The following NR4A1 variants were observed in gnomAD, a reference collection of about 807,000 sequenced individuals.
NR4A1 encodes the protein nuclear receptor subfamily 4 group A member 1, also known as nuclear receptor subfamily 4immunitygroup A member 1.
In NR4A1, 24 loss-of-function variants were observed where a neutral mutation model predicts 47.5. That is an observed-to-expected ratio of 0.50 (90% CI 0.37 to 0.71). The LOEUF is 0.71. NR4A1 is among the 30% of genes least tolerant of loss of function. The probability of loss-of-function intolerance (pLI) is 0.00; values close to 1 mark genes in which losing one functional copy is unlikely to be tolerated. For missense variants in NR4A1, 669 were observed against 788.6 expected, an observed-to-expected ratio of 0.85 and a Z score of 1.82; for synonymous variants, 353 against 345.7, an observed-to-expected ratio of 1.02 and a Z score of -0.24.
At position 52,054,968 on chromosome 12, in the gene NR4A1, G is replaced by A. The variant is rs369071117; in HGVS notation, c.640G>A (p.Ala214Thr). The A allele has an allele frequency of 3.7e-6, 6 of 1,614,186 alleles. No individual in the cohort carries two copies. The African/African-American group carries it at 5.3e-5, about 14-fold the overall frequency. Residue 214 changes from alanine (A) to threonine (T), a missense_variant, in exon 2 of 7, where the codon GCC becomes ACC. Ala to Thr is a moderately conservative substitution (Grantham distance 58). Transcript: ENST00000394825. Reference protein sequence around the residue: ...QSPLKLFPSQATHQLGEGESY... With the variant: ...QSPLKLFPSQTTHQLGEGESY... ...CCCCCTGAAGTTGTTCCCCTCACAG[G>A]CCACCCACCAGCTGGGGGAGGGAGA...
intron 1 of NR4A1, among the ~76,000 whole-genome samples, chr12:52,033,937 C>T (rs1938184982): frequency 6.6e-6 from 1 of 152,194 alleles, no homozygotes; most frequent in African/African-American, 2.4e-5. Flanking sequence ...TCCTTTTACC[C>T]CCGCCCCCGA....
chr12:52,038,536 C>A, intron 1 of NR4A1: 1 of 593,926 alleles, frequency 1.7e-6, no homozygotes, highest in Admixed American at 2.6e-5. Context: ...CAGTTATGCC[C>A]ACTGGGTGCT....
intron 1 of NR4A1, among the ~76,000 whole-genome samples, chr12:52,033,014 G>A (rs1938159957): frequency 6.6e-6 from 1 of 152,178 alleles, no homozygotes; most frequent in South Asian, 2.1e-4. Context: ...ATTTGCATGC[G>A]CCCGTGCTAT....
intron 1 of NR4A1, among the ~76,000 whole-genome samples, chr12:52,041,646 G>T (rs938068794): frequency 3.9e-5 from 6 of 152,212 alleles, no homozygotes; most frequent in Non-Finnish European, 7.3e-5. Context: ...CGGCCCCCAG[G>T]CTCCAATGCC....
intron 2 of NR4A1, chr12:52,043,668 G>A (rs898588278): frequency 9.2e-6 from 11 of 1,195,332 alleles, no homozygotes; most frequent in Admixed American, 3.5e-5. Flanking sequence ...CCCAGAGGCC[G>A]GCTCTGGTTT....
rs1939436755 is a variant in NR4A1 at position 52,059,250 on chromosome 12, A to G, written c.*306A>G. 6.7e-6 allele frequency: 2 copies of G among 300,136 alleles called. No individual in the cohort carries two copies. The highest frequency in any genetic ancestry group is 1.6e-4 in the South Asian group (2 of 12,282). The allele number at this position is 300,136 out of a possible 1,614,324, so 18.6% of individuals were successfully genotyped here. ...ATAAGCCCAGTGCTGCTGTAAATAC[A>G]GGAAGAAAGAGCTTGAGGTGGGAGC... is the stretch of plus-strand genomic sequence containing the variant. On this transcript the variant is annotated 3_prime_UTR_variant, in exon 7 of 7. Transcript: ENST00000394825.
chr12:52,054,760 C>G lies in NR4A1; in HGVS notation c.432C>G (p.Pro144=). 6.2e-7 allele frequency: 1 copy of G among 1,612,602 alleles called. No homozygotes were observed. Among genetic ancestry groups the G allele is most frequent in the Non-Finnish European group, 8.5e-7 (1 of 1,179,984 alleles). ...GCTCGGCCCCGTCGCCCTCCACGCCCAGCTTCCAGCCGCCCCAGCTCTCTC... is the reference window on the plus strand; with the variant it reads ...GCTCGGCCCCGTCGCCCTCCACGCCGAGCTTCCAGCCGCCCCAGCTCTCTC... ...SPCSAPSPST[P]SFQPPQLSPW... The change falls in exon 2 of 7, where the codon CCC becomes CCG. Residue 144 remains proline, a synonymous_variant. Transcript: ENST00000394825.
chr12:52,049,632 G>A (rs1938819782), upstream of NR4A1, among the ~76,000 whole-genome samples: 2 of 152,226 alleles, frequency 1.3e-5, no homozygotes, highest in South Asian at 2.1e-4. Flanking sequence ...TCTAGGCTGG[G>A]CAACAGAACA....
At chr12:52,032,721 C>A (rs1288207787) in intron 1 of NR4A1, among the ~76,000 whole-genome samples, 3 of 152,166 alleles carry the variant, frequency 2.0e-5, no homozygotes, top group Non-Finnish European at 4.4e-5. Context: ...TTTCTTCCTT[C>A]CCCTGCTCTC....
At chr12:52,037,477 C>G in intron 1 of NR4A1, 3 of 983,780 alleles carry the variant, frequency 3.0e-6, no homozygotes, top group Non-Finnish European at 3.6e-6. Flanking sequence ...GAGGTGGGCC[C>G]CGGAGAGGCC....
In NR4A1 at chr12:52,031,637, AAAAC is replaced by A. The variant is rs890904734; in HGVS notation, c.-84+8714_-84+8717del. On this transcript the variant is annotated intron_variant, in intron 1 of 7. Transcript: ENST00000360284. ...GGGTGACAGAGTGAGACTCCGTCTC[AAAAC>A]AAACAAACAAACAAATAAAAAAGCT... 1.1e-4 allele frequency among the ~76,000 whole-genome samples: 16 copies of A among 151,970 alleles called. No homozygotes were observed. The East Asian group carries it at 1.2e-3, about 11-fold the overall frequency.
At chr12:52,046,758 C>T (rs578007900), upstream of NR4A1, among the ~76,000 whole-genome samples, 28 of 152,222 alleles carry the variant, frequency 1.8e-4, no homozygotes, top group South Asian at 2.3e-3. Context: ...CCGAGGCAGG[C>T]GGATCACGAG....
intron 1 of NR4A1, among the ~76,000 whole-genome samples, chr12:52,029,601 T>A (rs1331887194): frequency 6.6e-6 from 1 of 152,060 alleles, no homozygotes; most frequent in Non-Finnish European, 1.5e-5. Context: ...AGTGGGAGGA[T>A]CACTTGAGCC....
chr12:52,050,159 C>G (rs1352885285), upstream of NR4A1, among the ~76,000 whole-genome samples: 2 of 152,104 alleles, frequency 1.3e-5, no homozygotes, highest in African/African-American at 2.4e-5. Flanking sequence ...CAGGAGAGAT[C>G]AGGGTGGAAG....
intron 1 of NR4A1, among the ~76,000 whole-genome samples, chr12:52,027,280 G>A (rs1938018304): frequency 6.6e-6 from 1 of 152,374 alleles, no homozygotes; most frequent in South Asian, 2.1e-4. Flanking sequence ...AGGAGCATCA[G>A]CTGACCGCCC....
At chr12:52,037,315 C>G in intron 1 of NR4A1, 1 of 959,374 alleles carries the variant, frequency 1.0e-6, no homozygotes, top group Non-Finnish European at 1.2e-6. Flanking sequence ...TGGCGGGGGT[C>G]CCCTCGCGGC....
rs144600069 is a variant in NR4A1, at chr12:52,037,566, CG to C, written c.-83-4235del. On this transcript the variant is annotated intron_variant, in intron 1 of 7. Transcript: ENST00000360284. ...GAGTCCCGCTTGGAAACTGGGGAGT[CG>C]GGGGGGGGACTGGATTCCCAGCGGA... 1.6e-3 allele frequency: 1,426 copies of C among 896,230 alleles called. 1 individual carries two copies. The highest frequency in any genetic ancestry group is 2.3e-3 in the Middle Eastern group (4 of 1,740). 55.5% of individuals were successfully genotyped at this position (896,230 alleles called of 1,614,324 possible).
chr12:52,055,990 C>G (rs768039117), intron 2 of NR4A1, 40 bp from the exon 3 acceptor site: 2 of 1,284,876 alleles, frequency 1.6e-6, no homozygotes, highest in Non-Finnish European at 1.0e-6. Context: ...CTCCCCACCC[C>G]ACACTCTGAC....
At chr12:52,058,662 C>G in intron 6 of NR4A1, 26 bp from the exon 7 acceptor site, 1 of 1,543,482 alleles carries the variant, frequency 6.5e-7, no homozygotes, top group Non-Finnish European at 8.8e-7. Flanking sequence ...CTCAGATGTA[C>G]AGCTAATCCT....
Sources: gnomAD v4.1 joint callset for allele counts (sites outside exome capture counted in the v4.1 genomes callset) on GRCh38, gnomAD v4.1.1 for gene constraint, MANE v1.5 for transcripts, NCBI Gene and HGNC (gene_info 2026-07-23, HGNC 2026-07-21) for gene names.